Variants in ELAC1 observed in about 807,000 individuals in gnomAD.
The protein encoded by ELAC1 is elaC ribonuclease Z 1, also known as zinc phosphodiesterase ELAC protein 1.
A neutral mutation model predicts 25.8 loss-of-function variants in ELAC1; 19 were observed. The ratio of observed to expected loss-of-function variants is 0.74; its 90% CI spans 0.51 to 1.08. The LOEUF (loss-of-function observed/expected upper bound fraction) is 1.08, where lower values mean the gene tolerates loss of function less well. Among genes scored for constraint, ELAC1 ranks in the 50% least tolerant of loss-of-function variants. The pLI is 0.00. For missense variants in ELAC1, 403 were observed against 434.6 expected, an observed-to-expected ratio of 0.93 and a Z score of 0.65; for synonymous variants, 148 against 160.9, an observed-to-expected ratio of 0.92 and a Z score of 0.61.
intron 2 of ELAC1, among the ~76,000 whole-genome samples, chr18:50,979,207 T>C (rs940647993): frequency 1.3e-5 from 2 of 152,258 alleles, no homozygotes; most frequent in African/African-American, 4.8e-5. Flanking sequence ...TAACAGATTA[T>C]AAATTTAGTG....
intron 1 of ELAC1, among the ~76,000 whole-genome samples, 162 bp downstream of exon 1, chr18:50,968,276 G>A (rs571956461): frequency 1.3e-5 from 2 of 152,040 alleles, no homozygotes; most frequent in East Asian, 1.9e-4. Flanking sequence ...GCGGGCCGGA[G>A]CCTCGGCCGC....
At chr18:50,984,054 A>T in intron 2 of ELAC1, 42 bp from the exon 3 acceptor site, 1 of 1,373,544 alleles carries the variant, frequency 7.3e-7, no homozygotes, top group Non-Finnish European at 9.9e-7. Flanking sequence ...GTTTTTAGTT[A>T]ATGAAAAATT....
At chr18:50,980,762 C>G (rs557636206) in intron 2 of ELAC1, among the ~76,000 whole-genome samples, 1 of 120,414 alleles carries the variant, frequency 8.3e-6, no homozygotes, top group Admixed American at 1.0e-4. Context: ...GACTCCATCT[C>G]GAAAAAAAAA....
intron 2 of ELAC1, among the ~76,000 whole-genome samples, chr18:50,980,907 T>C (rs1907932734): frequency 6.6e-6 from 1 of 152,108 alleles, no homozygotes; most frequent in African/African-American, 2.4e-5. Context: ...CATACTAATT[T>C]CTCTCCATAA....
At chr18:50,981,066 A>G (rs566693493) in intron 2 of ELAC1, among the ~76,000 whole-genome samples, 8 of 151,844 alleles carry the variant, frequency 5.3e-5, no homozygotes, top group Non-Finnish European at 7.4e-5. Flanking sequence ...CAGGTAACTA[A>G]TTATCCCTCA....
rs1253868463 is a variant in ELAC1 at position 50,974,446 on chromosome 18, C to T, written c.42C>T (p.Tyr14=). The change falls in exon 2 of 4, where the codon TAC becomes TAT. Residue 14 remains tyrosine (Y), a synonymous_variant. Coordinates refer to ENST00000269466, the MANE Select transcript of ELAC1 (RefSeq NM_018696.3). ...CATTCCTGGGGACGGGTGCAGCATA[C>T]CCATCTCCAACCCGGGGTGCCTCTG... The part of the protein sequence containing the change: ...DVTFLGTGAA[Y]PSPTRGASAV... 1 of 1,588,602 alleles carries T rather than the reference C, an allele frequency of 6.3e-7. No individual in the cohort carries two copies. Among genetic ancestry groups the T allele is most frequent in the Non-Finnish European group, 8.6e-7 (1 of 1,167,890 alleles).
chr18:50,972,212 A>ATTTTT (rs1305896166), intron 1 of ELAC1, among the ~76,000 whole-genome samples: 2 of 151,716 alleles, frequency 1.3e-5, no homozygotes, highest in Non-Finnish European at 2.9e-5. Flanking sequence ...CATTCTCCTA[A>ATTTTT]TTTTTTTGAA....
In ELAC1 at chr18:50,984,160, C is replaced by T. The variant is rs560895690; in HGVS notation, c.222C>T (p.Leu74=). The change falls in exon 3 of 4, where the codon CTC becomes CTT. Residue 74 remains leucine, a synonymous_variant. Transcript: ENST00000269466. The part of the protein sequence containing the change: ...HGDHFFGLPG[L]LCTISLQSGS... ...ACCATTTCTTTGGCCTTCCTGGGCT[C>T]CTCTGCACAATCAGCCTGCAGAGTG... is the stretch of plus-strand genomic sequence containing the variant. 18 of 1,614,116 alleles carry T rather than the reference C, an allele frequency of 1.1e-5. No individual in the cohort carries two copies. Among genetic ancestry groups the T allele is most frequent in the East Asian group, 2.2e-5 (1 of 44,882 alleles).
At chr18:50,985,558 G>C (rs1599151862) in intron 3 of ELAC1, among the ~76,000 whole-genome samples, 1 of 152,204 alleles carries the variant, frequency 6.6e-6, no homozygotes, top group Non-Finnish European at 1.5e-5. Flanking sequence ...CAGTGTCACT[G>C]CCTTCACAGG....
chr18:50,981,201 T>A (rs531217378), intron 2 of ELAC1, among the ~76,000 whole-genome samples: 1 of 152,080 alleles, frequency 6.6e-6, no homozygotes, highest in East Asian at 1.9e-4. Flanking sequence ...CATGATTTTT[T>A]AAATGATATA....
At chr18:50,982,222 G>A (rs568556351) in intron 2 of ELAC1, among the ~76,000 whole-genome samples, 2 of 152,210 alleles carry the variant, frequency 1.3e-5, no homozygotes, top group Admixed American at 6.5e-5. Flanking sequence ...ACAGGGAGAC[G>A]GGGGAAATGA....
intron 2 of ELAC1, among the ~76,000 whole-genome samples, chr18:50,982,923 G>C (rs927157964): frequency 1.3e-5 from 2 of 151,936 alleles, no homozygotes; most frequent in Non-Finnish European, 2.9e-5. Flanking sequence ...GCCGTGACTT[G>C]ATTGGTTAAT....
At chr18:50,981,735 G>A (rs1288159100) in intron 2 of ELAC1, among the ~76,000 whole-genome samples, 2 of 152,014 alleles carry the variant, frequency 1.3e-5, no homozygotes, top group African/African-American at 2.4e-5. Context: ...GGTTGTTTTG[G>A]TGTTCAGTTT....
intron 2 of ELAC1, 39 bp from the exon 3 acceptor site, chr18:50,984,057 G>A: frequency 7.0e-7 from 1 of 1,430,834 alleles, no homozygotes; most frequent in Non-Finnish European, 9.5e-7. Context: ...TTTAGTTAAT[G>A]AAAAATTTCC....
chr18:50,975,573 C>T (rs556373261), intron 2 of ELAC1, among the ~76,000 whole-genome samples: 14 of 151,388 alleles, frequency 9.2e-5, no homozygotes, highest in Admixed American at 2.0e-4. Flanking sequence ...TATAAATGAT[C>T]ATGGAACTTA....
intron 1 of ELAC1, 100 bp from the exon 2 acceptor site, chr18:50,974,297 G>A: frequency 8.9e-7 from 1 of 1,125,738 alleles, no homozygotes. Context: ...AATCCAGACT[G>A]TTCTAAATAA....
In ELAC1 at chr18:50,974,384, C is replaced by A; in HGVS notation, c.-8-13C>A. On this transcript the variant is annotated splice_polypyrimidine_tract_variant and intron_variant, in intron 1 of 3. Coordinates refer to ENST00000269466, the MANE Select transcript of ELAC1 (RefSeq NM_018696.3). The stretch of plus-strand genomic sequence containing the variant: ...TGATATGAAATAATCCCCAGATGAT[C>A]TTTCTGTTGCAGGGTGGAAGATGTC... The A allele has an allele frequency of 6.6e-7, 1 of 1,507,854 alleles. No individual in the cohort carries two copies. The highest frequency in any genetic ancestry group is 1.4e-5 in the South Asian group (1 of 73,634). The allele number at this position is 1,507,854 out of a possible 1,614,324, so 93.4% of individuals were successfully genotyped here.
intron 2 of ELAC1, among the ~76,000 whole-genome samples, chr18:50,980,646 C>A (rs554984462): frequency 6.6e-6 from 1 of 151,126 alleles, no homozygotes; most frequent in African/African-American, 2.4e-5. Flanking sequence ...GCCTGTAAAC[C>A]CAGCTACTTG....
Position 50,984,842 on chromosome 18 carries a change from G to A in ELAC1, c.625+279G>A, listed in dbSNP as rs560983535. On this transcript the variant is annotated intron_variant, in intron 3 of 3. Coordinates refer to ENST00000269466, the MANE Select transcript of ELAC1 (RefSeq NM_018696.3). The stretch of plus-strand genomic sequence containing the variant: ...AGCTACTTGGGGGGCTGAGGCAGGA[G>A]GATCACTTGAACCTGGGAGGTCAAG... 78 of 506,666 alleles carry A rather than the reference G, an allele frequency of 1.5e-4. 1 individual carries two copies. The South Asian group carries it at 2.7e-3, about 17-fold the overall frequency. 31.4% of individuals were successfully genotyped at this position (506,666 alleles called of 1,614,324 possible). A position where few individuals can be genotyped will look rare whatever the true frequency, so the allele number is the denominator to read the frequency against.
Sources: allele counts gnomAD v4.1 joint callset (sites outside exome capture counted in the v4.1 genomes callset), GRCh38; gene constraint gnomAD v4.1.1; transcripts MANE v1.5; gene names NCBI Gene and HGNC (gene_info 2026-07-23, HGNC 2026-07-21).